The following SPNS3 variants were observed in gnomAD, a reference collection of about 807,000 sequenced individuals.
SPNS3 encodes protein spinster homolog 3.
SPNS3 carries 51 observed loss-of-function variants against 54.4 expected under a neutral mutation model. The observed-to-expected ratio is 0.94, with a 90% CI of 0.75 to 1.18. SPNS3 has a LOEUF of 1.18. Among genes scored for constraint, SPNS3 ranks in the 50% most tolerant of loss-of-function variants. The probability of loss-of-function intolerance (pLI) is 0.00; values close to 1 mark genes in which losing one functional copy is unlikely to be tolerated. For synonymous variants in SPNS3, 309 were observed against 294.7 expected, an observed-to-expected ratio of 1.05 and a Z score of -0.50; for missense variants, 669 against 677.4, an observed-to-expected ratio of 0.99 and a Z score of 0.14.
intron 8 of SPNS3, among the ~76,000 whole-genome samples, chr17:4,459,688 G>A (rs947761753): frequency 1.3e-5 from 2 of 152,136 alleles, no homozygotes; most frequent in East Asian, 3.9e-4. Context: ...ACTCCAGCCT[G>A]GGCGACAGAG....
chr17:4,434,129 C>T lies in SPNS3; in HGVS notation c.162C>T (p.Ile54=). ...TGGCTGCCGCCGTCCTCTGCTACATCAACCTCCTGAATTACATGAACTGGT... is the reference window on the plus strand; with the variant it reads ...TGGCTGCCGCCGTCCTCTGCTACATTAACCTCCTGAATTACATGAACTGGT... ...AYVAAAVLCY[I]NLLNYMNWFI... The change falls in exon 1 of 12, where the codon ATC becomes ATT. Residue 54 remains isoleucine (I), a synonymous_variant. Transcript: ENST00000355530. 6 of 1,612,274 alleles carry T rather than the reference C, an allele frequency of 3.7e-6. No individual in the cohort carries two copies. Among genetic ancestry groups the T allele is most frequent in the Non-Finnish European group, 5.1e-6 (6 of 1,179,196 alleles).
At chr17:4,435,100 C>A (rs923282879) in intron 1 of SPNS3, among the ~76,000 whole-genome samples, 5 of 152,152 alleles carry the variant, frequency 3.3e-5, no homozygotes, top group African/African-American at 1.2e-4. Context: ...CTGCGCCCAG[C>A]CGAAACTCTG....
intron 1 of SPNS3, 115 bp downstream of exon 1, chr17:4,434,281 T>G: frequency 9.9e-7 from 1 of 1,009,010 alleles, no homozygotes; most frequent in South Asian, 1.6e-5. Flanking sequence ...TGGGCCCATC[T>G]CTGGTGTTCT....
chr17:4,458,658 T>C lies in SPNS3; in HGVS notation c.1113+5453T>C, dbSNP rs193080033. 5.7e-3 allele frequency among the ~76,000 whole-genome samples: 707 copies of C among 124,236 alleles called. 4 individuals carry two copies. Among genetic ancestry groups the C allele is most frequent in the African/African-American group, 0.019 (638 of 32,812 alleles). The allele number at this position is 124,236 out of a possible 152,430, so 81.5% of individuals were successfully genotyped here. A position where few individuals can be genotyped will look rare whatever the true frequency, so the allele number is the denominator to read the frequency against. Reference sequence around the variant, plus strand: ...CTTTCTTTCTTTCTTTCCTTCCTTCTTTCTTTCTTTCTTTTCTTTCTCTTT... The same window carrying C: ...CTTTCTTTCTTTCTTTCCTTCCTTCCTTCTTTCTTTCTTTTCTTTCTCTTT... On this transcript the variant is annotated intron_variant, in intron 8 of 11. Transcript: ENST00000355530.
At chr17:4,478,945 C>T (rs929678925) in intron 9 of SPNS3, among the ~76,000 whole-genome samples, 6 of 152,068 alleles carry the variant, frequency 3.9e-5, no homozygotes, top group South Asian at 4.1e-4. Context: ...TACTTCCCTC[C>T]CTCTTTTCTT....
chr17:4,452,803 G>T (rs562410170), intron 7 of SPNS3, among the ~76,000 whole-genome samples: 4 of 152,016 alleles, frequency 2.6e-5, no homozygotes, highest in Non-Finnish European at 4.4e-5. Flanking sequence ...AGGAAAGGGG[G>T]TAGGGGAGAG....
intron 8 of SPNS3, among the ~76,000 whole-genome samples, chr17:4,459,537 C>A (rs1971436461): frequency 6.6e-6 from 1 of 152,024 alleles, no homozygotes. Context: ...CACGGCAAAA[C>A]CCTGTCTCTA....
chr17:4,456,417 G>A (rs75203661), intron 8 of SPNS3, among the ~76,000 whole-genome samples: 24,110 of 152,238 alleles, frequency 0.16, 1,947 homozygotes, highest in Middle Eastern at 0.22. Context: ...TTGGGTCTCT[G>A]CAGAAATTCC....
chr17:4,439,943 G>A (rs1211410393), intron 2 of SPNS3, among the ~76,000 whole-genome samples: 2 of 152,178 alleles, frequency 1.3e-5, no homozygotes, highest in Admixed American at 1.3e-4. Flanking sequence ...GGGAGAGCAG[G>A]GGGAGGTGGG....
chr17:4,460,025 G>A (rs1971454076), intron 8 of SPNS3, among the ~76,000 whole-genome samples: 1 of 152,158 alleles, frequency 6.6e-6, no homozygotes, highest in South Asian at 2.1e-4. Flanking sequence ...AGGGGGTGAA[G>A]TAGTGAATTA....
In SPNS3 at chr17:4,448,262, C is replaced by A; in HGVS notation, c.729C>A (p.Phe243Leu). Residue 243 changes from phenylalanine (F) to leucine (L), a missense_variant, in exon 6 of 12, where the codon TTC becomes TTA. Coordinates refer to ENST00000355530, the MANE Select transcript of SPNS3 (RefSeq NM_182538.5). ...AGGGGGAGGGGGCCGTGGGAGGCTTCAGGAGCAGCTGGTGTGAGGACGTCA... is the reference window on the plus strand; with the variant it reads ...AGGGGGAGGGGGCCGTGGGAGGCTTAAGGAGCAGCTGGTGTGAGGACGTCA... ...ETQGEGAVGG[F>L]RSSWCEDVRY... The A allele has an allele frequency of 6.3e-7, 1 of 1,597,394 alleles. No individual in the cohort carries two copies. Among genetic ancestry groups the A allele is most frequent in the South Asian group, 1.1e-5 (1 of 88,410 alleles).
intron 1 of SPNS3, among the ~76,000 whole-genome samples, chr17:4,435,472 T>A (rs1388429124): frequency 1.6e-4 from 19 of 117,344 alleles, no homozygotes; most frequent in Non-Finnish European, 2.5e-4. Context: ...AAAAAATAAA[T>A]AAATAAATAA....
intron 8 of SPNS3, among the ~76,000 whole-genome samples, chr17:4,462,658 A>C (rs1256357818): frequency 2.4e-3 from 18 of 7,638 alleles, no homozygotes; most frequent in Non-Finnish European, 3.6e-3. Flanking sequence ...CCCATCCACC[A>C]ATCCATCCAT....
At chr17:4,459,425 T>A (rs1174944777) in intron 8 of SPNS3, among the ~76,000 whole-genome samples, 1 of 152,132 alleles carries the variant, frequency 6.6e-6, no homozygotes, top group African/African-American at 2.4e-5. Flanking sequence ...GCTGTAGATA[T>A]AGGCAGCTGG....
Position 4,453,050 on chromosome 17 carries a change from G to C in SPNS3, c.958G>C (p.Val320Leu), listed in dbSNP as rs760499890. Residue 320 changes from valine to leucine, a missense_variant, in exon 8 of 12, where the codon GTC becomes CTC. Coordinates refer to ENST00000355530, the MANE Select transcript of SPNS3 (RefSeq NM_182538.5). Reference sequence around the variant, plus strand: ...TGGGGCACTGACCATCATGACCGGCGTCATTGGGGTCATCTTGGGGGCAGA... The same window carrying C: ...TGGGGCACTGACCATCATGACCGGCCTCATTGGGGTCATCTTGGGGGCAGA... ...IFGALTIMTG[V>L]IGVILGAEAA... 1.2e-6 allele frequency: 2 copies of C among 1,614,010 alleles called. No homozygotes were observed. Among genetic ancestry groups the C allele is most frequent in the Non-Finnish European group, 1.7e-6 (2 of 1,179,918 alleles).
intron 2 of SPNS3, among the ~76,000 whole-genome samples, chr17:4,443,085 T>TC (rs1970895088): frequency 6.6e-6 from 1 of 152,126 alleles, no homozygotes; most frequent in South Asian, 2.1e-4. Context: ...TTGTTTTTTT[T>TC]TTTGAGAGAG....
intron 8 of SPNS3, among the ~76,000 whole-genome samples, chr17:4,470,253 A>AC (rs1971820333): frequency 6.6e-6 from 1 of 151,952 alleles, no homozygotes; most frequent in African/African-American, 2.4e-5. Context: ...ACATGGTGAA[A>AC]CCCCGTCTCT....
chr17:4,443,935 T>C (rs1970916675), intron 2 of SPNS3, among the ~76,000 whole-genome samples: 1 of 152,110 alleles, frequency 6.6e-6, no homozygotes, highest in Non-Finnish European at 1.5e-5. Flanking sequence ...ACCCCGTCTG[T>C]GCAAAAACTA....
In SPNS3 at chr17:4,458,592, T is replaced by TTCCTTCCTTC. The variant is rs1341843952; in HGVS notation, c.1113+5387_1113+5388insTCCTTCCTTC. ...TCCTTTCTTTCTTCCTTCCCTCCTTTCTTTCTTTCTTTCTTTCTTTCTTTC... is the reference window on the plus strand; with the variant it reads ...TCCTTTCTTTCTTCCTTCCCTCCTTTTCCTTCCTTCCTTTCTTTCTTTCTTTCTTTCTTTC... On this transcript the variant is annotated intron_variant, in intron 8 of 11. Transcript: ENST00000355530. Among the ~76,000 whole-genome samples, 188 of 40,334 alleles carry TTCCTTCCTTC rather than the reference T, an allele frequency of 4.7e-3. 6 individuals are homozygous for TTCCTTCCTTC. Among genetic ancestry groups the TTCCTTCCTTC allele is most frequent in the African/African-American group, 0.017 (179 of 10,552 alleles). 26.5% of individuals were successfully genotyped at this position (40,334 alleles called of 152,430 possible). A position where few individuals can be genotyped will look rare whatever the true frequency, so the allele number is the denominator to read the frequency against.
Sources: allele counts gnomAD v4.1 joint callset (sites outside exome capture counted in the v4.1 genomes callset), GRCh38; gene constraint gnomAD v4.1.1; transcripts MANE v1.5; gene names NCBI Gene and HGNC (gene_info 2026-07-23, HGNC 2026-07-21).